Variants in PHKB observed in about 807,000 individuals in gnomAD.
The protein encoded by PHKB is phosphorylase kinase regulatory subunit beta, also known as phosphorylase b kinase regulatory subunit beta.
In PHKB, 122 loss-of-function variants were observed where a neutral mutation model predicts 152.1. The observed-to-expected ratio is 0.80, with a 90% CI of 0.69 to 0.93. The LOEUF (loss-of-function observed/expected upper bound fraction) is 0.93, where lower values mean the gene tolerates loss of function less well. Ranked by LOEUF, PHKB falls within the 40% of genes least tolerant of loss-of-function variation. The pLI, the probability that PHKB is intolerant of heterozygous loss-of-function variation, is 0.00. For missense variants in PHKB, 1,304 were observed against 1,328.4 expected, an observed-to-expected ratio of 0.98 and a Z score of 0.29; for synonymous variants, 436 against 464.9, an observed-to-expected ratio of 0.94 and a Z score of 0.80.
intron 13 of PHKB, among the ~76,000 whole-genome samples, chr16:47,598,360 AT>A (rs1972160219): frequency 6.6e-6 from 1 of 152,166 alleles, no homozygotes; most frequent in Non-Finnish European, 1.5e-5. Flanking sequence ...CTTTTTGATT[AT>A]GGTCTCTGCA....
chr16:47,468,781 A>C (rs1969714053), intron 1 of PHKB, among the ~76,000 whole-genome samples: 1 of 152,124 alleles, frequency 6.6e-6, no homozygotes, highest in East Asian at 1.9e-4. Context: ...CTTCTTCTCC[A>C]CTGCTATCTT....
chr16:47,558,034 C>G (rs1971408845), intron 7 of PHKB, among the ~76,000 whole-genome samples: 1 of 150,974 alleles, frequency 6.6e-6, no homozygotes, highest in Non-Finnish European at 1.5e-5. Context: ...CACATATACA[C>G]CATGGAATAC....
intron 1 of PHKB, among the ~76,000 whole-genome samples, chr16:47,465,261 A>T (rs909090798): frequency 6.6e-5 from 10 of 152,236 alleles, no homozygotes; most frequent in African/African-American, 2.4e-4. Context: ...CCTTATAAGC[A>T]CCAAGCTCTG....
intron 7 of PHKB, among the ~76,000 whole-genome samples, chr16:47,568,818 A>G (rs1369454427): frequency 1.3e-5 from 2 of 152,208 alleles, no homozygotes; most frequent in African/African-American, 4.8e-5. Context: ...ATTTTCATGT[A>G]TTTGTGTAGT....
intron 16 of PHKB, among the ~76,000 whole-genome samples, chr16:47,647,788 T>C (rs572122349): frequency 1.3e-5 from 2 of 152,172 alleles, no homozygotes; most frequent in Non-Finnish European, 2.9e-5. Context: ...TGAGCCACCA[T>C]GCCCAGCCCA....
intron 5 of PHKB, among the ~76,000 whole-genome samples, chr16:47,514,254 G>T (rs748606130): frequency 6.6e-6 from 1 of 152,138 alleles, no homozygotes; most frequent in African/African-American, 2.4e-5. Flanking sequence ...TGGAGGAATT[G>T]ACCCACACAA....
intron 6 of PHKB, among the ~76,000 whole-genome samples, chr16:47,528,263 C>T (rs562251991): frequency 6.6e-6 from 1 of 151,866 alleles, no homozygotes; most frequent in East Asian, 1.9e-4. Context: ...TTTTTTTGCC[C>T]CTTGCTCTCT....
intron 4 of PHKB, among the ~76,000 whole-genome samples, chr16:47,507,888 A>G (rs1970447778): frequency 6.6e-6 from 1 of 152,144 alleles, no homozygotes; most frequent in Admixed American, 6.5e-5. Flanking sequence ...TGTCTTGGCC[A>G]TTTCCTTTAC....
chr16:47,566,390 G>A (rs373232526), intron 7 of PHKB: 29 of 1,564,958 alleles, frequency 1.9e-5, no homozygotes, highest in African/African-American at 1.8e-4. Flanking sequence ...GATCAGCAAC[G>A]TCCACTCAAA....
intron 7 of PHKB, among the ~76,000 whole-genome samples, chr16:47,572,263 A>G (rs925261943): frequency 4.6e-5 from 7 of 152,182 alleles, no homozygotes; most frequent in African/African-American, 1.7e-4. Context: ...ACCAGCAGTC[A>G]AAGGCTAGAG....
chr16:47,552,416 C>T (rs772455243), intron 7 of PHKB, among the ~76,000 whole-genome samples: 1 of 152,150 alleles, frequency 6.6e-6, no homozygotes, highest in African/African-American at 2.4e-5. Flanking sequence ...CTGGTGGTGA[C>T]AAAATCTCTC....
At chr16:47,545,368 A>T (rs1242325656) in intron 6 of PHKB, among the ~76,000 whole-genome samples, 1 of 152,132 alleles carries the variant, frequency 6.6e-6, no homozygotes, top group Non-Finnish European at 1.5e-5. Context: ...GTTTGGCTGG[A>T]TATGTAATTC....
intron 26 of PHKB, among the ~76,000 whole-genome samples, chr16:47,687,039 T>C (rs1973977210): frequency 6.6e-6 from 1 of 152,204 alleles, no homozygotes; most frequent in Non-Finnish European, 1.5e-5. Flanking sequence ...AATCACTTCA[T>C]CTACAACAGG....
At chr16:47,553,766 T>C (rs919358630) in intron 7 of PHKB, among the ~76,000 whole-genome samples, 3 of 152,218 alleles carry the variant, frequency 2.0e-5, no homozygotes, top group African/African-American at 7.2e-5. Flanking sequence ...CCTTTCTGTT[T>C]ATTAGTTTTG....
chr16:47,524,985 A>T (rs1970743077), intron 6 of PHKB, among the ~76,000 whole-genome samples: 1 of 152,136 alleles, frequency 6.6e-6, no homozygotes, highest in Admixed American at 6.5e-5. Flanking sequence ...ATCAAGTTAT[A>T]TTATTTGTTA....
intron 26 of PHKB, among the ~76,000 whole-genome samples, chr16:47,682,673 T>C (rs1336976258): frequency 6.6e-6 from 1 of 152,210 alleles, no homozygotes; most frequent in Non-Finnish European, 1.5e-5. Context: ...TCTAATCTTT[T>C]TTCACAGTTT....
At chr16:47,587,079 A>C (rs1447811739) in intron 8 of PHKB, among the ~76,000 whole-genome samples, 1 of 152,196 alleles carries the variant, frequency 6.6e-6, no homozygotes, top group Admixed American at 6.5e-5. Context: ...TGTCCTTTTC[A>C]GTAAAATGGG....
At chr16:47,469,330 G>C (rs1232023268) in intron 1 of PHKB, among the ~76,000 whole-genome samples, 1 of 152,110 alleles carries the variant, frequency 6.6e-6, no homozygotes, top group African/African-American at 2.4e-5. Flanking sequence ...GAACTCAATA[G>C]CAAAGACATG....
intron 5 of PHKB, among the ~76,000 whole-genome samples, chr16:47,513,786 T>G (rs114186948): frequency 0.02 from 3,099 of 152,348 alleles, 103 homozygotes; most frequent in African/African-American, 0.07. Context: ...GCTTACAGTT[T>G]CCTGGCTGAA....
Sources: gnomAD v4.1 joint callset for allele counts (sites outside exome capture counted in the v4.1 genomes callset) on GRCh38, gnomAD v4.1.1 for gene constraint, MANE v1.5 for transcripts, NCBI Gene and HGNC (gene_info 2026-07-23, HGNC 2026-07-21) for gene names.